IPO8: variants seen among roughly 807,000 people sequenced by gnomAD.
IPO8 encodes the protein importin-8.
In IPO8, 65 loss-of-function variants were observed where a neutral mutation model predicts 141.2. The observed-to-expected ratio is 0.46, with a 90% CI of 0.38 to 0.57. The LOEUF (loss-of-function observed/expected upper bound fraction) is 0.57. Among genes scored for constraint, IPO8 ranks in the 20% least tolerant of loss-of-function variants. The probability of loss-of-function intolerance (pLI) is 0.00; values close to 1 mark genes in which losing one functional copy is unlikely to be tolerated. For missense variants in IPO8, 980 were observed against 1,246.8 expected (o/e 0.79, Z 3.22); for synonymous variants, 411 against 420.3 (o/e 0.98, Z 0.27).
intron 15 of IPO8, among the ~76,000 whole-genome samples, chr12:30,661,985 G>A (rs781706238): frequency 1.2e-4 from 18 of 152,072 alleles, no homozygotes; most frequent in Admixed American, 3.3e-4. Context: ...TGTGTCGTTA[G>A]GCAATTTCAT....
chr12:30,650,073 T>C (rs2052705115), intron 19 of IPO8, among the ~76,000 whole-genome samples: 1 of 151,772 alleles, frequency 6.6e-6, no homozygotes, highest in South Asian at 2.1e-4. Context: ...GCTTTTTATA[T>C]AAGTTATTTT....
chr12:30,673,530 A>G (rs1256417947), intron 8 of IPO8, among the ~76,000 whole-genome samples: 1 of 152,226 alleles, frequency 6.6e-6, no homozygotes. Context: ...CCAAACTTCC[A>G]TAGAAATGTT....
At chr12:30,673,902 G>T in intron 8 of IPO8, 88 bp downstream of exon 8, 1 of 699,684 alleles carries the variant, frequency 1.4e-6, no homozygotes, top group Non-Finnish European at 2.4e-6. Flanking sequence ...TAATGAATTA[G>T]TATGTTTGTA....
chr12:30,643,695 T>G (rs1305397883), intron 20 of IPO8, among the ~76,000 whole-genome samples: 2 of 152,238 alleles, frequency 1.3e-5, no homozygotes, highest in African/African-American at 2.4e-5. Flanking sequence ...CTAGTTCCCA[T>G]GAGAGTAGGT....
chr12:30,685,900 C>CA (rs397849869), intron 2 of IPO8, among the ~76,000 whole-genome samples: 2,345 of 87,666 alleles, frequency 0.027, 63 homozygotes, highest in South Asian at 0.095. Context: ...AAGACTCTGT[C>CA]AAAAAAAAAA....
At chr12:30,653,893 T>C (rs2052760256) in intron 17 of IPO8, among the ~76,000 whole-genome samples, 1 of 151,760 alleles carries the variant, frequency 6.6e-6, no homozygotes, top group Non-Finnish European at 1.5e-5. Flanking sequence ...CAAAATAAAA[T>C]GGAAATTACA....
intron 10 of IPO8, 64 bp from the exon 11 acceptor site, chr12:30,666,315 C>A (rs967437922): frequency 5.7e-5 from 69 of 1,218,108 alleles, no homozygotes; most frequent in Non-Finnish European, 7.5e-5. Context: ...AGATTTTAAA[C>A]CTGACTGACC....
intron 14 of IPO8, 60 bp downstream of exon 14, chr12:30,663,429 T>G: frequency 7.0e-7 from 1 of 1,432,476 alleles, no homozygotes; most frequent in Non-Finnish European, 9.6e-7. Context: ...TGCATCTTCA[T>G]TAGGGAAGAA....
chr12:30,646,697 C>A (rs1196781088), intron 20 of IPO8, among the ~76,000 whole-genome samples: 1 of 151,694 alleles, frequency 6.6e-6, no homozygotes, highest in African/African-American at 2.4e-5. Context: ...GGCAACAAAC[C>A]TGAAAATAAA....
In IPO8 at chr12:30,652,911, C is replaced by G; in HGVS notation, c.2074+56G>C. On this transcript the variant is annotated intron_variant, in intron 18 of 24. Transcript: ENST00000256079. ...TATGTGTTTTTATTTCAGGTGTCAACAGGAAGAAGTATCTAGACACAGAAA... is the reference window on the plus strand; with the variant it reads ...TATGTGTTTTTATTTCAGGTGTCAAGAGGAAGAAGTATCTAGACACAGAAA... 2.1e-6 allele frequency: 3 copies of G among 1,461,792 alleles called. No homozygotes were observed. In the South Asian group the frequency reaches 3.8e-5, roughly 18 times the overall value. The allele number at this position is 1,461,792 out of a possible 1,614,324, so 90.6% of individuals were successfully genotyped here.
intron 5 of IPO8, chr12:30,676,937 A>C: frequency 6.5e-7 from 1 of 1,533,506 alleles, no homozygotes; most frequent in Non-Finnish European, 8.7e-7. Context: ...ACCTTGATGA[A>C]AATATTTATT....
At chr12:30,672,279 C>A (rs1034075655) in intron 8 of IPO8, among the ~76,000 whole-genome samples, 1 of 152,162 alleles carries the variant, frequency 6.6e-6, no homozygotes, top group Non-Finnish European at 1.5e-5. Flanking sequence ...GGATTTTATT[C>A]AAGTTTCCTA....
chr12:30,693,527 C>A (rs547211477), intron 1 of IPO8, among the ~76,000 whole-genome samples: 1 of 152,316 alleles, frequency 6.6e-6, no homozygotes, highest in South Asian at 2.1e-4. Flanking sequence ...GAGACCTAGA[C>A]TAAAGTCGAA....
chr12:30,649,623 A>G (rs2052697807), intron 19 of IPO8, among the ~76,000 whole-genome samples: 1 of 152,112 alleles, frequency 6.6e-6, no homozygotes, highest in African/African-American at 2.4e-5. Flanking sequence ...TTTTTTCATA[A>G]CCACCATAAT....
Position 30,661,368 on chromosome 12 carries a change from T to TTGCTCAAACTTTGAAGTCTGCAC in IPO8, c.1756-125_1756-103dup. On this transcript the variant is annotated intron_variant, in intron 15 of 24. Coordinates refer to ENST00000256079, the MANE Select transcript of IPO8 (RefSeq NM_006390.4). Reference sequence around the variant, plus strand: ...CAGTGTCACACATCTGAAGTCTGCATTGCTCAAACTTTGAAGTCTGCACTT... The same window carrying TTGCTCAAACTTTGAAGTCTGCAC: ...CAGTGTCACACATCTGAAGTCTGCATTGCTCAAACTTTGAAGTCTGCACTGCTCAAACTTTGAAGTCTGCACTT... 4 of 1,052,114 alleles carry TTGCTCAAACTTTGAAGTCTGCAC rather than the reference T, an allele frequency of 3.8e-6. 1 individual carries two copies. The highest frequency in any genetic ancestry group is 5.2e-6 in the Non-Finnish European group (4 of 772,922). The allele number at this position is 1,052,114 out of a possible 1,614,324, so 65.2% of individuals were successfully genotyped here.
chr12:30,656,599 T>A, intron 17 of IPO8, 85 bp downstream of exon 17: 1 of 713,062 alleles, frequency 1.4e-6, no homozygotes. Flanking sequence ...TCCATCTTGT[T>A]AAATCTGAAG....
intron 9 of IPO8, among the ~76,000 whole-genome samples, chr12:30,669,610 T>C (rs1317666949): frequency 1.3e-5 from 2 of 151,202 alleles, no homozygotes; most frequent in African/African-American, 2.5e-5. Flanking sequence ...CTGGGCACTG[T>C]AGCGAGACCC....
rs544723564 is a variant in IPO8 at position 30,637,185 on chromosome 12, T to C, written c.2492A>G (p.His831Arg). ...TATTATACACATCTTCCGGTCATGA[T>C]GCCTGCAAATTTTGAAGAAAAAAAA... ...WMNDTDCFLG[H>R]HDRKMCIIGL... Residue 831 changes from histidine (H) to arginine (R), a missense_variant and splice_region_variant, in exon 22 of 25, where the codon CAT becomes CGT. Transcript: ENST00000256079. The C allele has an allele frequency of 1.8e-5, 29 of 1,610,932 alleles. No homozygotes were observed. In the African/African-American group the frequency reaches 3.5e-4, roughly 19 times the overall value.
chr12:30,677,714 G>GA (rs1219105670), intron 5 of IPO8, among the ~76,000 whole-genome samples: 2 of 150,660 alleles, frequency 1.3e-5, no homozygotes, highest in African/African-American at 4.9e-5. Context: ...GAAAAAGTTT[G>GA]AAAAAAAATA....
Sources: gnomAD v4.1 joint callset for allele counts (sites outside exome capture counted in the v4.1 genomes callset) on GRCh38, gnomAD v4.1.1 for gene constraint, MANE v1.5 for transcripts, NCBI Gene and HGNC (gene_info 2026-07-23, HGNC 2026-07-21) for gene names.